CASK: variants seen among roughly 807,000 people sequenced by gnomAD.
CASK encodes calcium/calmodulin dependent serine protein kinase.
CASK carries 4 observed loss-of-function variants against 82.9 expected under a neutral mutation model. The observed-to-expected ratio is 0.05, with a 90% CI of 0.02 to 0.11. The LOEUF is 0.11. Ranked by LOEUF, CASK falls within the 10% of genes least tolerant of loss-of-function variation. The pLI is 1.00. For missense variants in CASK, 358 were observed against 720.9 expected (o/e 0.50, Z 5.76); for synonymous variants, 259 against 253.5 (o/e 1.02, Z -0.20).
chrX:41,862,477 G>A (rs1038100039), intron 1 of CASK, among the ~76,000 whole-genome samples: 2 of 105,249 alleles, frequency 1.9e-5, no homozygotes, highest in African/African-American at 7.0e-5. Flanking sequence ...GAAGGCGGAG[G>A]TTGCAGTGAG....
In CASK at chrX:41,696,217, A is replaced by G; in HGVS notation, c.430-24687T>C. On this transcript the variant is annotated intron_variant, in intron 5 of 26. Coordinates refer to ENST00000378163, the MANE Select transcript of CASK (RefSeq NM_001367721.1). ...CTAACTATGATTATTTTAACACTTA[A>G]GAAAGGAGGGCATAATTCCACAATG... 1 of 1,206,990 alleles carries G rather than the reference A, an allele frequency of 8.3e-7. No individual in the cohort carries two copies. Among genetic ancestry groups the G allele is most frequent in the Non-Finnish European group, 1.1e-6 (1 of 891,385 alleles).
rs2065729875 is a variant in CASK, at chrX:41,590,532, A to T, written c.1156-940T>A. On this transcript the variant is annotated intron_variant, in intron 12 of 26. Coordinates refer to ENST00000378163, the MANE Select transcript of CASK (RefSeq NM_001367721.1). ...CTCCAAAAAAAAAAAAAAAAAAAAAAAAGAAAGAAACTAAATATATTTCTA... is the reference window on the plus strand; with the variant it reads ...CTCCAAAAAAAAAAAAAAAAAAAAATAAGAAAGAAACTAAATATATTTCTA... Among the ~76,000 whole-genome samples, 5 of 108,728 alleles carry T rather than the reference A, an allele frequency of 4.6e-5. No homozygotes were observed. The South Asian group carries it at 1.9e-3, about 42-fold the overall frequency. 94.4% of individuals were successfully genotyped at this position (108,728 alleles called of 115,157 possible). A position where few individuals can be genotyped will look rare whatever the true frequency, so the allele number is the denominator to read the frequency against.
rs1244108541 is a variant in CASK, at chrX:41,726,668, A to G, written c.429+12716T>C. ...TTAAATTATATTTCTAGGAAAAATC[A>G]ATCATCACTTACAAATTGTTTTACA... On this transcript the variant is annotated intron_variant, in intron 5 of 26. Transcript: ENST00000378163. The G allele has an allele frequency of 3.2e-5, 4 of 125,740 alleles. No homozygotes were observed. The East Asian group carries it at 9.2e-4, about 29-fold the overall frequency. The allele number at this position is 125,740 out of a possible 1,213,427, so 10.4% of individuals were successfully genotyped here.
At chrX:41,527,282 G>C (rs1431606823) in intron 25 of CASK, among the ~76,000 whole-genome samples, 3 of 109,281 alleles carry the variant, frequency 2.7e-5, no homozygotes, top group Non-Finnish European at 5.7e-5. Flanking sequence ...TAGAGAGAGA[G>C]AGAGAAACAG....
Position 41,516,941 on chromosome X carries a change from C to A in CASK, c.*3479G>T, listed in dbSNP as rs185335561. Reference sequence around the variant, plus strand: ...TGCCTTGTTTTTCAGGGGCAGTTTCCACGCTGGGAATCTTCCTGGAGGGTG... The same window carrying A: ...TGCCTTGTTTTTCAGGGGCAGTTTCAACGCTGGGAATCTTCCTGGAGGGTG... On this transcript the variant is annotated 3_prime_UTR_variant, in exon 27 of 27. Coordinates refer to ENST00000378163, the MANE Select transcript of CASK (RefSeq NM_001367721.1). The A allele has an allele frequency of 9.0e-6, 1 of 111,575 alleles. No homozygotes were observed. The highest frequency in any genetic ancestry group is 2.8e-4 in the East Asian group (1 of 3,581). The allele number at this position is 111,575 out of a possible 1,213,427, so 9.2% of individuals were successfully genotyped here.
intron 3 of CASK, among the ~76,000 whole-genome samples, chrX:41,781,356 CA>C (rs774219773): frequency 1.7e-4 from 19 of 112,631 alleles, no homozygotes; most frequent in Non-Finnish European, 2.6e-4. Flanking sequence ...GTGGCAAAGA[CA>C]GATATGGACA....
At chrX:41,561,522 G>A (rs1214875217) in intron 17 of CASK, 37 bp downstream of exon 17, 2 of 972,793 alleles carry the variant, frequency 2.1e-6, no homozygotes, top group Non-Finnish European at 2.9e-6. Context: ...CAAAGTAAAA[G>A]TCAATTTTAG....
Position 41,665,535 on chromosome X carries a change from AATCCAAATAAAAAGTT to A in CASK, c.533-99_533-84del, listed in dbSNP as rs200400188. On this transcript the variant is annotated intron_variant, in intron 6 of 26. Transcript: ENST00000378163. Reference sequence around the variant, plus strand: ...AAACTAAAAATAATAGAACAATAACAATCCAAATAAAAAGTTTACCAATACATATACTCTCACCACT... The same window carrying A: ...AAACTAAAAATAATAGAACAATAACATACCAATACATATACTCTCACCACT... 0.39 allele frequency: 296,122 copies of A among 762,632 alleles called. 43,455 individuals carry two copies. The highest frequency in any genetic ancestry group is 0.84 in the East Asian group (24,121 of 28,678). The allele number at this position is 762,632 out of a possible 1,213,427, so 62.8% of individuals were successfully genotyped here. A position where few individuals can be genotyped will look rare whatever the true frequency, so the allele number is the denominator to read the frequency against.
At chrX:41,865,726 C>T (rs987816109) in intron 1 of CASK, among the ~76,000 whole-genome samples, 1 of 111,524 alleles carries the variant, frequency 9.0e-6, no homozygotes, top group Non-Finnish European at 1.9e-5. Context: ...AGGTTCTAGA[C>T]TACTTTTGTG....
At chrX:41,600,859 T>C (rs2065883681) in intron 12 of CASK, among the ~76,000 whole-genome samples, 1 of 111,862 alleles carries the variant, frequency 8.9e-6, no homozygotes, top group South Asian at 3.7e-4. Flanking sequence ...AACATCAATA[T>C]TGGATGAGTA....
At chrX:41,679,078 CCT>C (rs1241551847) in intron 5 of CASK, among the ~76,000 whole-genome samples, 1 of 110,351 alleles carries the variant, frequency 9.1e-6, no homozygotes, top group Non-Finnish European at 1.9e-5. Flanking sequence ...ACAGCAAGAC[CCT>C]GTCTCTTAAA....
intron 1 of CASK, among the ~76,000 whole-genome samples, chrX:41,879,064 G>C: frequency 9.0e-6 from 1 of 111,309 alleles, no homozygotes; most frequent in Non-Finnish European, 1.9e-5. Flanking sequence ...AGATCTTAAG[G>C]GGATCTAATA....
At chrX:41,652,607 GA>G (rs1362622868) in intron 8 of CASK, among the ~76,000 whole-genome samples, 2 of 111,017 alleles carry the variant, frequency 1.8e-5, no homozygotes, top group Non-Finnish European at 3.8e-5. Context: ...AGGGAGGGGA[GA>G]GGGGCTGAAG....
At chrX:41,606,705 T>TG (rs1369806027) in intron 12 of CASK, among the ~76,000 whole-genome samples, 1 of 109,895 alleles carries the variant, frequency 9.1e-6, no homozygotes, top group Non-Finnish European at 1.9e-5. Flanking sequence ...CTTTTTTTTT[T>TG]TTTTAGAGAT....
intron 22 of CASK, among the ~76,000 whole-genome samples, chrX:41,539,668 A>G (rs2064921565): frequency 8.9e-6 from 1 of 112,406 alleles, no homozygotes; most frequent in African/African-American, 3.2e-5. Context: ...ACACTTCTGT[A>G]TATTGGGATG....
At chrX:41,794,950 A>G (rs1049377502) in intron 2 of CASK, among the ~76,000 whole-genome samples, 7 of 112,193 alleles carry the variant, frequency 6.2e-5, no homozygotes, top group African/African-American at 2.3e-4. Flanking sequence ...TTCTCCCCCA[A>G]ATCTTCTTCC....
At chrX:41,632,546 G>C (rs1020019443) in intron 9 of CASK, among the ~76,000 whole-genome samples, 6 of 111,759 alleles carry the variant, frequency 5.4e-5, no homozygotes, top group African/African-American at 2.0e-4. Flanking sequence ...TAGCGCAACA[G>C]AGCAACCAAA....
In CASK at chrX:41,660,415, G is replaced by C. The variant is rs1212162932; in HGVS notation, c.831+24C>G. On this transcript the variant is annotated intron_variant, in intron 8 of 26. Coordinates refer to ENST00000378163, the MANE Select transcript of CASK (RefSeq NM_001367721.1). ...GGAAGTGTTCAGACAAAGTGTAGAAGGTGACCTGTGAATGCTCATGTACCT... is the reference window on the plus strand; with the variant it reads ...GGAAGTGTTCAGACAAAGTGTAGAACGTGACCTGTGAATGCTCATGTACCT... 2.5e-6 allele frequency: 3 copies of C among 1,182,536 alleles called. No individual in the cohort carries two copies. The South Asian group carries it at 5.4e-5, about 21-fold the overall frequency.
chrX:41,735,166 T>C (rs2068475652), intron 5 of CASK, among the ~76,000 whole-genome samples: 1 of 111,695 alleles, frequency 9.0e-6, no homozygotes, highest in Non-Finnish European at 1.9e-5. Context: ...ATGAAACAGA[T>C]GATAAAATAA....
Sources: allele counts gnomAD v4.1 joint callset (sites outside exome capture counted in the v4.1 genomes callset), GRCh38; gene constraint gnomAD v4.1.1; transcripts MANE v1.5; gene names NCBI Gene and HGNC (gene_info 2026-07-23, HGNC 2026-07-21).